Variants in DHX8 observed in about 807,000 individuals in gnomAD.
The protein encoded by DHX8 is ATP-dependent RNA helicase DHX8.
In DHX8, 67 loss-of-function variants were observed where a neutral mutation model predicts 140.7. The observed-to-expected ratio is 0.48, with a 90% CI of 0.39 to 0.58. The LOEUF is 0.58. Ranked by LOEUF, DHX8 falls within the 20% of genes least tolerant of loss-of-function variation. DHX8 has a pLI of 0.00. For missense variants in DHX8, 887 were observed against 1,550.7 expected (o/e 0.57, Z 7.19); for synonymous variants, 533 against 553.2 (o/e 0.96, Z 0.51).
At chr17:43,496,084 C>T in intron 8 of DHX8, 97 bp from the exon 9 acceptor site, 1 of 874,504 alleles carries the variant, frequency 1.1e-6, no homozygotes, top group Non-Finnish European at 1.8e-6. Context: ...GGTGACAGAG[C>T]AAGATCCTGT....
chr17:43,520,012 C>T (rs1017472508), intron 18 of DHX8, 118 bp from the exon 19 acceptor site: 19 of 1,139,772 alleles, frequency 1.7e-5, no homozygotes, highest in Admixed American at 5.6e-5. Context: ...CCAGTCTCAC[C>T]GGTGGCTTCC....
At chr17:43,511,431 A>C (rs1027235756) in intron 16 of DHX8, among the ~76,000 whole-genome samples, 5 of 133,550 alleles carry the variant, frequency 3.7e-5, no homozygotes, top group African/African-American at 1.4e-4. Context: ...AGCCAGGCGC[A>C]GTGGCTTATG....
At chr17:43,539,460 A>G (rs1340655739) in intron 3 of DHX8, among the ~76,000 whole-genome samples, 1 of 152,092 alleles carries the variant, frequency 6.6e-6, no homozygotes, top group Non-Finnish European at 1.5e-5. Flanking sequence ...TGCCACCTGA[A>G]TATATTAATT....
At position 43,522,080 on chromosome 17, in the gene DHX8, C is replaced by G. The variant is rs748435847; in HGVS notation, c.3297C>G (p.Ser1099=). The part of the protein sequence containing the change: ...HKLDVVSCGK[S]TVRVQKAICS... ...TGGATGTTGTTTCCTGTGGCAAGTC[C>G]ACAGTCCGAGTGCAGAAGGCCATCT... The change falls in exon 22 of 23, where the codon TCC becomes TCG. Residue 1099 remains serine, a synonymous_variant. Transcript: ENST00000262415. 3.7e-6 allele frequency: 6 copies of G among 1,614,036 alleles called. No individual in the cohort carries two copies. In the South Asian group the frequency reaches 6.6e-5, roughly 18 times the overall value.
Position 43,493,809 on chromosome 17 carries a change from C to G in DHX8, c.1135C>G (p.Pro379Ala). 1.9e-6 allele frequency: 3 copies of G among 1,614,170 alleles called. No individual in the cohort carries two copies. Among genetic ancestry groups the G allele is most frequent in the Non-Finnish European group, 2.5e-6 (3 of 1,180,036 alleles). Residue 379 changes from proline to alanine, a missense_variant, in exon 8 of 23, where the codon CCT becomes GCT. By Grantham distance (27) the Pro-to-Ala change is conservative. This residue lies in a region of DHX8 where 98 missense variants were observed against 152.7 expected (regional missense o/e 0.64). Coordinates refer to ENST00000262415, the MANE Select transcript of DHX8 (RefSeq NM_004941.3). ...CACTCACTTGTCCCTTGTCAGTGCTCCTGAAGTAGAGGACGACTCACTGGA... is the reference window on the plus strand; with the variant it reads ...CACTCACTTGTCCCTTGTCAGTGCTGCTGAAGTAGAGGACGACTCACTGGA... ...RPTHLSLVSA[P>A]EVEDDSLERK...
At chr17:43,508,198 C>A in intron 15 of DHX8, 141 bp from the exon 16 acceptor site, 1 of 1,253,664 alleles carries the variant, frequency 8.0e-7, no homozygotes, top group Non-Finnish European at 1.1e-6. Flanking sequence ...CATATATAAA[C>A]AAACTTGTAT....
chr17:43,517,349 G>A (rs1970163574), intron 18 of DHX8, 27 bp downstream of exon 18: 6 of 1,609,978 alleles, frequency 3.7e-6, no homozygotes, highest in Non-Finnish European at 5.1e-6. Context: ...TGTTAAAATG[G>A]GTTGGTGGAA....
chr17:43,518,322 G>C (rs1211108209), intron 18 of DHX8: 1 of 152,158 alleles, frequency 6.6e-6, no homozygotes, highest in African/African-American at 2.4e-5. Context: ...ATATACACTT[G>C]AATCGTGCAT....
chr17:43,537,556 C>T (rs1281845686), intron 3 of DHX8, among the ~76,000 whole-genome samples: 1 of 150,446 alleles, frequency 6.6e-6, no homozygotes, highest in African/African-American at 2.5e-5. Flanking sequence ...ATTAGTCAGG[C>T]GTGGCGGTGG....
downstream of DHX8, chr17:43,526,179 C>G: frequency 5.1e-6 from 5 of 985,378 alleles, no homozygotes; most frequent in Non-Finnish European, 4.8e-6. Flanking sequence ...GCCTGCTGCT[C>G]TCACACAATG....
intron 16 of DHX8, among the ~76,000 whole-genome samples, chr17:43,511,883 G>A (rs968719128): frequency 6.6e-5 from 10 of 150,418 alleles, no homozygotes; most frequent in African/African-American, 2.2e-4. Flanking sequence ...TCAGCCAGGC[G>A]TGGTGGCACA....
Position 43,524,804 on chromosome 17 carries a change from A to G in DHX8, c.*957A>G, listed in dbSNP as rs1250935366. 2.0e-6 allele frequency: 2 copies of G among 985,000 alleles called. No individual in the cohort carries two copies. Among genetic ancestry groups the G allele is most frequent in the African/African-American group, 3.5e-5 (2 of 57,074 alleles). 61.0% of individuals were successfully genotyped at this position (985,000 alleles called of 1,614,324 possible). On this transcript the variant is annotated 3_prime_UTR_variant, in exon 23 of 23. Coordinates refer to ENST00000262415, the MANE Select transcript of DHX8 (RefSeq NM_004941.3). Reference sequence around the variant, plus strand: ...TTATGGTCAAAACCTCCCTTTCCCCACTCCAAACAGAAAACAAACATAACA... The same window carrying G: ...TTATGGTCAAAACCTCCCTTTCCCCGCTCCAAACAGAAAACAAACATAACA...
chr17:43,490,256 C>A, intron 2 of DHX8, 135 bp from the exon 3 acceptor site: 1 of 649,372 alleles, frequency 1.5e-6, no homozygotes, highest in Non-Finnish European at 2.7e-6. Context: ...GGTTGACACA[C>A]TATGTTTCAT....
chr17:43,507,543 A>G lies in DHX8; in HGVS notation c.1964A>G (p.Glu655Gly). ...CGATTTGAGGACTGCACTAGCCCTG[A>G]AACAGTCATCAAGTACATGACAGAT... is the stretch of plus-strand genomic sequence containing the variant. The part of the protein sequence containing the change: ...TIRFEDCTSP[E>G]TVIKYMTDGM... Residue 655 changes from glutamate to glycine, a missense_variant, in exon 14 of 23, where the codon GAA becomes GGA. Coordinates refer to ENST00000262415, the MANE Select transcript of DHX8 (RefSeq NM_004941.3). The G allele has an allele frequency of 6.2e-7, 1 of 1,614,172 alleles. No homozygotes were observed.
At chr17:43,516,336 A>T (rs1437189544) in intron 17 of DHX8, among the ~76,000 whole-genome samples, 2 of 152,124 alleles carry the variant, frequency 1.3e-5, no homozygotes, top group Non-Finnish European at 1.5e-5. Context: ...ATATATAAAG[A>T]CTTTTACTAA....
chr17:43,524,845 G>A lies in DHX8; in HGVS notation c.*998G>A, dbSNP rs1970553059. 1 of 985,226 alleles carries A rather than the reference G, an allele frequency of 1.0e-6. No homozygotes were observed. Among genetic ancestry groups the A allele is most frequent in the African/African-American group, 1.7e-5 (1 of 57,194 alleles). 61.0% of individuals were successfully genotyped at this position (985,226 alleles called of 1,614,324 possible). ...AAACATAACACCTCTCCTCTCAGCT[G>A]GTTTGTGCTGCCAGTATCTGTGCTG... On this transcript the variant is annotated 3_prime_UTR_variant, in exon 23 of 23. Transcript: ENST00000262415.
chr17:43,536,614 T>C, intron 3 of DHX8: 1 of 692,228 alleles, frequency 1.4e-6, no homozygotes, highest in Non-Finnish European at 2.5e-6. Context: ...GTCCACATTG[T>C]AAGAATTGTC....
chr17:43,534,899 C>A (rs1159378830), intron 2 of DHX8, among the ~76,000 whole-genome samples: 1 of 152,212 alleles, frequency 6.6e-6, no homozygotes, highest in African/African-American at 2.4e-5. Flanking sequence ...CGAGATCACA[C>A]CATTGCACTC....
chr17:43,492,157 A>T (rs1317741239), intron 4 of DHX8, 26 bp from the exon 5 acceptor site: 2 of 1,582,062 alleles, frequency 1.3e-6, no homozygotes, highest in Admixed American at 1.7e-5. Context: ...TTTTTTTCCT[A>T]ACTTTGCCGG....
Sources: allele counts gnomAD v4.1 joint callset (sites outside exome capture counted in the v4.1 genomes callset), GRCh38; gene constraint gnomAD v4.1.1; regional missense constraint gnomAD v4.1.1; transcripts MANE v1.5; gene names NCBI Gene and HGNC (gene_info 2026-07-23, HGNC 2026-07-21).